Variants in ARHGEF10L observed in about 807,000 individuals in gnomAD.
ARHGEF10L encodes rho guanine nucleotide exchange factor 10-like protein.
ARHGEF10L carries 69 observed loss-of-function variants against 141.2 expected under a neutral mutation model. The ratio of observed to expected loss-of-function variants is 0.49; its 90% CI spans 0.40 to 0.60. The LOEUF (loss-of-function observed/expected upper bound fraction) is 0.60. Among genes scored for constraint, ARHGEF10L ranks in the 20% least tolerant of loss-of-function variants. ARHGEF10L has a pLI of 0.00. For synonymous variants in ARHGEF10L, 711 were observed against 718.5 expected (o/e 0.99, Z 0.17); for missense variants, 1,482 against 1,734.3 (o/e 0.85, Z 2.58).
At chr1:17,553,680 T>A (rs1375367215) in intron 1 of ARHGEF10L, among the ~76,000 whole-genome samples, 5 of 152,116 alleles carry the variant, frequency 3.3e-5, no homozygotes, top group Admixed American at 3.3e-4. Flanking sequence ...TCCCAGCTAC[T>A]CAGGAGGCTG....
chr1:17,531,827 T>A, the ARHGEF10L span, among the ~76,000 whole-genome samples: 23 of 152,132 alleles, frequency 1.5e-4, no homozygotes, highest in African/African-American at 4.6e-4. Flanking sequence ...GTGGAGATGG[T>A]TTTATGACTC....
the ARHGEF10L span, among the ~76,000 whole-genome samples, chr1:17,524,053 C>T: frequency 6.6e-6 from 1 of 152,110 alleles, no homozygotes; most frequent in African/African-American, 2.4e-5. Context: ...GCAGGTGGAT[C>T]ACATGAGGTC....
rs577632224 is a variant in ARHGEF10L, at chr1:17,563,948, A to G, written c.-43-16605A>G. Among the ~76,000 whole-genome samples the G allele has an allele frequency of 2.6e-5, 4 of 152,304 alleles. No homozygotes were observed. The South Asian group carries it at 8.3e-4, about 32-fold the overall frequency. ...AGACAACAGCTGGGTCAGTGCTGCA[A>G]GTGACAGCAGATGGCTCCTGCCACT... On this transcript the variant is annotated intron_variant, in intron 1 of 28. Coordinates refer to ENST00000361221, the MANE Select transcript of ARHGEF10L (RefSeq NM_018125.4).
the ARHGEF10L span, among the ~76,000 whole-genome samples, chr1:17,519,369 G>A: frequency 6.6e-6 from 1 of 152,128 alleles, no homozygotes; most frequent in Non-Finnish European, 1.5e-5. Flanking sequence ...CAGCACTTTG[G>A]GAGGCCTAGG....
At chr1:17,694,593 C>T (rs1262261859) in intron 27 of ARHGEF10L, 1 of 248,060 alleles carries the variant, frequency 4.0e-6, no homozygotes, top group Non-Finnish European at 8.0e-6. Context: ...GTGCTTCACT[C>T]TTGGGCCCAG....
chr1:17,519,219 A>T, the ARHGEF10L span, among the ~76,000 whole-genome samples: 1 of 148,596 alleles, frequency 6.7e-6, no homozygotes, highest in Non-Finnish European at 1.5e-5. Context: ...CATTAGGGCC[A>T]ATTCTCTCGG....
intron 26 of ARHGEF10L, among the ~76,000 whole-genome samples, chr1:17,669,071 G>C (rs2063157593): frequency 6.6e-6 from 1 of 152,330 alleles, no homozygotes; most frequent in Admixed American, 6.5e-5. Flanking sequence ...TGTGCCTCGC[G>C]TGTGATGTCT....
intron 1 of ARHGEF10L, among the ~76,000 whole-genome samples, chr1:17,574,013 G>A (rs1005705248): frequency 6.6e-6 from 1 of 152,172 alleles, no homozygotes; most frequent in African/African-American, 2.4e-5. Context: ...GAAGCCCTTT[G>A]AGTGTCCATC....
intron 26 of ARHGEF10L, among the ~76,000 whole-genome samples, chr1:17,683,257 G>A (rs2064278355): frequency 9.2e-6 from 1 of 108,792 alleles, no homozygotes; most frequent in Admixed American, 9.0e-5. Flanking sequence ...GCTCTCACCC[G>A]GGTGCTCACT....
chr1:17,675,153 T>C (rs1211982381), intron 26 of ARHGEF10L, among the ~76,000 whole-genome samples: 2 of 152,166 alleles, frequency 1.3e-5, no homozygotes, highest in East Asian at 3.8e-4. Context: ...CCCAGCTTTG[T>C]GTTGGTCGCA....
chr1:17,693,723 G>A (rs2102590959), intron 27 of ARHGEF10L, among the ~76,000 whole-genome samples: 1 of 152,320 alleles, frequency 6.6e-6, no homozygotes, highest in South Asian at 2.1e-4. Flanking sequence ...TCAGATGAGA[G>A]CAGGTATACG....
intron 20 of ARHGEF10L, 125 bp downstream of exon 20, chr1:17,638,814 T>A: frequency 7.1e-7 from 1 of 1,406,238 alleles, no homozygotes; most frequent in Non-Finnish European, 9.5e-7. Context: ...AGTGGATATG[T>A]AGGCATCGTG....
chr1:17,519,374 C>T, the ARHGEF10L span, among the ~76,000 whole-genome samples: 2 of 151,960 alleles, frequency 1.3e-5, no homozygotes, highest in East Asian at 3.9e-4. Flanking sequence ...CTTTGGGAGG[C>T]CTAGGCAGGA....
intron 9 of ARHGEF10L, chr1:17,618,428 C>G: frequency 6.5e-7 from 1 of 1,528,526 alleles, no homozygotes; most frequent in South Asian, 1.2e-5. Context: ...ATGCCCGGGG[C>G]GTGATGTGGG....
chr1:17,652,175 C>T lies in ARHGEF10L; in HGVS notation c.2395-2461C>T, dbSNP rs367589819. 5.3e-5 allele frequency among the ~76,000 whole-genome samples: 8 copies of T among 152,224 alleles called. No individual in the cohort carries two copies. In the East Asian group the frequency reaches 7.7e-4, roughly 15 times the overall value. On this transcript the variant is annotated intron_variant, in intron 22 of 28. Transcript: ENST00000361221. Reference sequence around the variant, plus strand: ...TTGCTGGCCACAGTGTAGACAGGGTCGGCACTCTGTACCAGTGGATGAGGA... The same window carrying T: ...TTGCTGGCCACAGTGTAGACAGGGTTGGCACTCTGTACCAGTGGATGAGGA...
At chr1:17,526,027 A>G in the ARHGEF10L span, among the ~76,000 whole-genome samples, 1 of 151,874 alleles carries the variant, frequency 6.6e-6, no homozygotes, top group Non-Finnish European at 1.5e-5. Flanking sequence ...AAGAAAAGAA[A>G]AAAGAAAACC....
At chr1:17,695,969 G>T (rs941597654) in intron 28 of ARHGEF10L, among the ~76,000 whole-genome samples, 1 of 152,084 alleles carries the variant, frequency 6.6e-6, no homozygotes, top group African/African-American at 2.4e-5. Context: ...GGCCGAGGTG[G>T]GTGGATTGCC....
intron 1 of ARHGEF10L, among the ~76,000 whole-genome samples, chr1:17,553,274 C>T (rs1024699860): frequency 5.9e-5 from 9 of 152,190 alleles, no homozygotes; most frequent in Admixed American, 4.6e-4. Flanking sequence ...CTGCCTTTAC[C>T]CTAAGCCTCA....
chr1:17,519,835 T>G, the ARHGEF10L span, among the ~76,000 whole-genome samples: 3 of 149,862 alleles, frequency 2.0e-5, no homozygotes, highest in African/African-American at 7.4e-5. Flanking sequence ...GACCAGAGAC[T>G]CCATCTCAAA....
Sources: gnomAD v4.1 joint callset for allele counts (sites outside exome capture counted in the v4.1 genomes callset) on GRCh38, gnomAD v4.1.1 for gene constraint, MANE v1.5 for transcripts, NCBI Gene and HGNC (gene_info 2026-07-23, HGNC 2026-07-21) for gene names.